NECAB2: variants seen among roughly 807,000 people sequenced by gnomAD.
The protein encoded by NECAB2 is N-terminal EF-hand calcium-binding protein 2.
NECAB2 carries 68 observed loss-of-function variants against 51.9 expected under a neutral mutation model. The observed-to-expected ratio is 1.31, with a 90% CI of 1.08 to 1.60. The LOEUF (loss-of-function observed/expected upper bound fraction) is 1.60, where lower values mean the gene tolerates loss of function less well. Among genes scored for constraint, NECAB2 ranks in the 40% most tolerant of loss-of-function variants. The pLI, the probability that NECAB2 is intolerant of heterozygous loss-of-function variation, is 0.00. For synonymous variants in NECAB2, 329 were observed against 203.5 expected (o/e 1.62, Z -5.25); for missense variants, 854 against 490.3 (o/e 1.74, Z -7.00).
intron 2 of NECAB2, among the ~76,000 whole-genome samples, chr16:83,973,403 C>G (rs1216582011): frequency 6.6e-6 from 1 of 152,274 alleles, no homozygotes; most frequent in South Asian, 2.1e-4. Context: ...TCAGTTCCAA[C>G]GAGTCTCCCA....
chr16:83,999,752 C>T (rs558949940), intron 10 of NECAB2, among the ~76,000 whole-genome samples: 15 of 152,150 alleles, frequency 9.9e-5, no homozygotes, highest in African/African-American at 3.6e-4. Flanking sequence ...CCTCTGTGGC[C>T]CAGCACCCCC....
chr16:83,979,505 C>T (rs375866327), intron 3 of NECAB2, among the ~76,000 whole-genome samples: 6 of 152,234 alleles, frequency 3.9e-5, no homozygotes, highest in Non-Finnish European at 5.9e-5. Context: ...CTGGGAAAGG[C>T]CACTTTAAAG....
intron 2 of NECAB2, among the ~76,000 whole-genome samples, chr16:83,976,503 C>T (rs1365573449): frequency 1.3e-5 from 2 of 152,176 alleles, no homozygotes; most frequent in African/African-American, 4.8e-5. Context: ...GCCGAAGACA[C>T]TCGGAAGGCA....
intron 10 of NECAB2, among the ~76,000 whole-genome samples, chr16:84,000,006 T>G (rs138022051): frequency 4.8e-4 from 73 of 151,906 alleles, no homozygotes; most frequent in Middle Eastern, 6.9e-3. Flanking sequence ...CATGCCTCAG[T>G]GTCCTGCATC....
At chr16:83,969,056 G>C (rs2084320981) in intron 1 of NECAB2, among the ~76,000 whole-genome samples, 2 of 151,182 alleles carry the variant, frequency 1.3e-5, no homozygotes, top group South Asian at 2.1e-4. Context: ...CCTGGACCGG[G>C]AGACCCCCCT....
intron 6 of NECAB2, among the ~76,000 whole-genome samples, chr16:83,992,818 C>T (rs1305498014): frequency 6.6e-6 from 1 of 152,196 alleles, no homozygotes; most frequent in Non-Finnish European, 1.5e-5. Context: ...TCTTGTGATT[C>T]TTGGGTGCCC....
intron 8 of NECAB2, among the ~76,000 whole-genome samples, chr16:83,996,181 C>G (rs749047230): frequency 2.0e-4 from 31 of 152,192 alleles, no homozygotes; most frequent in Non-Finnish European, 4.3e-4. Context: ...ATACAGGGGC[C>G]ACAGTGCCTC....
chr16:83,978,303 A>C (rs2084439993), intron 2 of NECAB2, 141 bp from the exon 3 acceptor site: 1 of 639,566 alleles, frequency 1.6e-6, no homozygotes, highest in Non-Finnish European at 2.7e-6. Context: ...TTTGGGGATT[A>C]GCTGGGAGGG....
chr16:83,965,330 GC>G (rs1567658695), upstream of NECAB2: 1 of 1,574,554 alleles, frequency 6.4e-7, no homozygotes, highest in Non-Finnish European at 8.6e-7. Context: ...CGACAGCCCG[GC>G]CCGGCTGGGC....
At chr16:83,979,818 A>G (rs1201996265) in intron 3 of NECAB2, among the ~76,000 whole-genome samples, 1 of 152,184 alleles carries the variant, frequency 6.6e-6, no homozygotes, top group African/African-American at 2.4e-5. Flanking sequence ...TTTAGGATTA[A>G]TCTCCCCAAC....
intron 10 of NECAB2, among the ~76,000 whole-genome samples, chr16:83,998,950 C>T (rs2084765240): frequency 6.6e-6 from 1 of 152,162 alleles, no homozygotes; most frequent in Non-Finnish European, 1.5e-5. Context: ...GACAACAGCC[C>T]TTTGTTCTTG....
At chr16:83,988,021 A>G (rs1424710371) in intron 5 of NECAB2, among the ~76,000 whole-genome samples, 1 of 152,218 alleles carries the variant, frequency 6.6e-6, no homozygotes, top group Non-Finnish European at 1.5e-5. Context: ...TTTAAATTCT[A>G]ACTTGATAGT....
At chr16:83,976,002 C>A (rs1228836696) in intron 2 of NECAB2, among the ~76,000 whole-genome samples, 2 of 152,136 alleles carry the variant, frequency 1.3e-5, no homozygotes, top group African/African-American at 4.8e-5. Context: ...TTGCTGGCCT[C>A]TGTCTGCCTG....
chr16:83,976,435 G>A (rs2084411590), intron 2 of NECAB2, among the ~76,000 whole-genome samples: 1 of 152,206 alleles, frequency 6.6e-6, no homozygotes, highest in Non-Finnish European at 1.5e-5. Flanking sequence ...GTCCGTGGAA[G>A]GTACTCCACG....
At chr16:83,966,129 T>C, upstream of NECAB2, 2 of 809,004 alleles carry the variant, frequency 2.5e-6, no homozygotes, top group Non-Finnish European at 3.8e-6. Context: ...TGCTGGCCTT[T>C]GGGGTCAAGA....
At chr16:83,985,915 T>C (rs938344959) in intron 5 of NECAB2, among the ~76,000 whole-genome samples, 1 of 152,246 alleles carries the variant, frequency 6.6e-6, no homozygotes, top group Non-Finnish European at 1.5e-5. Flanking sequence ...ACAGCTATCC[T>C]TTCTTCGTTA....
In NECAB2 at chr16:83,998,273, G is replaced by T. The variant is rs779711282; in HGVS notation, c.918G>T (p.Leu306=). 2 of 1,613,446 alleles carry T rather than the reference G, an allele frequency of 1.2e-6. No homozygotes were observed. The highest frequency in any genetic ancestry group is 1.7e-6 in the Non-Finnish European group (2 of 1,180,018). The change falls in exon 10 of 13, where the codon CTG becomes CTT. Residue 306 remains leucine, a synonymous_variant. Coordinates refer to ENST00000305202, the MANE Select transcript of NECAB2 (RefSeq NM_019065.3). ...AACTGAGCGAGTTTCTGGACTCTCTGCGCCAGTATCTGCGGGGGACCACTG... is the reference window on the plus strand; with the variant it reads ...AACTGAGCGAGTTTCTGGACTCTCTTCGCCAGTATCTGCGGGGGACCACTG... ...PEQLSEFLDS[L]RQYLRGTTGV...
At chr16:83,975,157 GGTGT>G (rs1318303324) in intron 2 of NECAB2, among the ~76,000 whole-genome samples, 1 of 138,268 alleles carries the variant, frequency 7.2e-6, no homozygotes, top group African/African-American at 3.2e-5. Context: ...TGTGCAGGGA[GGTGT>G]GGGTGCAGGG....
Position 83,998,308 on chromosome 16 carries a change from A to C in NECAB2, c.953A>C (p.Asn318Thr). The C allele has an allele frequency of 6.2e-7, 1 of 1,613,414 alleles. No individual in the cohort carries two copies. The highest frequency in any genetic ancestry group is 8.5e-7 in the Non-Finnish European group (1 of 1,179,954). ...QYLRGTTGVR[N>T]CFHITAVRLS... is the part of the protein sequence containing the mutation. Reference sequence around the variant, plus strand: ...CTGCGGGGGACCACTGGCGTGAGGAACTGCTTCCAGTGAGTGAGCTGCCGA... The same window carrying C: ...CTGCGGGGGACCACTGGCGTGAGGACCTGCTTCCAGTGAGTGAGCTGCCGA... The change falls in exon 10 of 13, where the codon AAC becomes ACC. Residue 318 changes from asparagine to threonine, a missense_variant. Asn to Thr is a moderately conservative substitution (Grantham distance 65). Transcript: ENST00000305202.
Sources: allele counts gnomAD v4.1 joint callset (sites outside exome capture counted in the v4.1 genomes callset), GRCh38; gene constraint gnomAD v4.1.1; transcripts MANE v1.5; gene names NCBI Gene and HGNC (gene_info 2026-07-23, HGNC 2026-07-21).